The following ICA1L variants were observed in gnomAD, a reference collection of about 807,000 sequenced individuals.
The protein encoded by ICA1L is islet cell autoantigen 1 like.
In ICA1L, 50 loss-of-function variants were observed where a neutral mutation model predicts 61.3. That is an observed-to-expected ratio of 0.82 (90% CI 0.65 to 1.03). The LOEUF (loss-of-function observed/expected upper bound fraction) is 1.03, where lower values mean the gene tolerates loss of function less well. Among genes scored for constraint, ICA1L ranks in the 50% least tolerant of loss-of-function variants. The pLI, the probability that ICA1L is intolerant of heterozygous loss-of-function variation, is 0.00. For missense variants in ICA1L, 508 were observed against 556.7 expected, an observed-to-expected ratio of 0.91 and a Z score of 0.88; for synonymous variants, 161 against 191.3, an observed-to-expected ratio of 0.84 and a Z score of 1.31.
intron 2 of ICA1L, among the ~76,000 whole-genome samples, chr2:202,827,910 A>G (rs1693893449): frequency 6.6e-6 from 1 of 152,214 alleles, no homozygotes; most frequent in African/African-American, 2.4e-5. Context: ...GAATCCCACC[A>G]TAATGATTAT....
At chr2:202,855,454 T>C (rs147958748) in intron 1 of ICA1L, among the ~76,000 whole-genome samples, 116 of 152,090 alleles carry the variant, frequency 7.6e-4, no homozygotes, top group African/African-American at 2.3e-3. Context: ...TAAAGGGATA[T>C]CACCACTGAT....
At chr2:202,797,043 G>T in intron 9 of ICA1L, 79 bp from the exon 10 acceptor site, 1 of 844,892 alleles carries the variant, frequency 1.2e-6, no homozygotes, top group Non-Finnish European at 1.8e-6. Context: ...TCTATCATTA[G>T]GTCAAGTGTT....
chr2:202,802,718 T>C (rs1416860232), intron 9 of ICA1L, among the ~76,000 whole-genome samples: 1 of 151,836 alleles, frequency 6.6e-6, no homozygotes. Context: ...ATCTGAAATA[T>C]AGAAAGAAAT....
intron 12 of ICA1L, among the ~76,000 whole-genome samples, chr2:202,784,905 T>C (rs932535002): frequency 2.6e-5 from 4 of 152,124 alleles, no homozygotes; most frequent in Non-Finnish European, 5.9e-5. Flanking sequence ...TGCTTAATAT[T>C]ACCAAACTGT....
chr2:202,792,818 A>T (rs79140466), intron 10 of ICA1L, among the ~76,000 whole-genome samples: 4,589 of 152,210 alleles, frequency 0.03, 220 homozygotes, highest in African/African-American at 0.1. Context: ...AATTAAAAAA[A>T]AATAATAATA....
At chr2:202,786,044 C>A in intron 11 of ICA1L, 37 bp from the exon 12 acceptor site, 1 of 1,158,640 alleles carries the variant, frequency 8.6e-7, no homozygotes, top group South Asian at 1.3e-5. Context: ...CATTGTTAAT[C>A]AAATAGGAAG....
At chr2:202,861,883 CAAAAAAA>C (rs71030996) in intron 1 of ICA1L, among the ~76,000 whole-genome samples, 2 of 40,924 alleles carry the variant, frequency 4.9e-5, no homozygotes, top group Admixed American at 3.4e-4. Context: ...GATTCAGACT[CAAAAAAA>C]AAAAAAAAAA....
At chr2:202,809,614 C>G (rs1380205767) in intron 9 of ICA1L, among the ~76,000 whole-genome samples, 1 of 151,638 alleles carries the variant, frequency 6.6e-6, no homozygotes, top group Non-Finnish European at 1.5e-5. Context: ...GGTGCCACTG[C>G]ACTCCAGCCT....
rs1692215964 is a variant in ICA1L, at chr2:202,776,200, TGAA to T, written c.*3330_*3332del. 6.6e-6 allele frequency: 1 copy of T among 151,836 alleles called. No homozygotes were observed. 9.4% of individuals were successfully genotyped at this position (151,836 alleles called of 1,614,324 possible). A position where few individuals can be genotyped will look rare whatever the true frequency, so the allele number is the denominator to read the frequency against. ...AATCATATCAAGGTTCTACAATTAATGAAGGATTTCAAAAACATACAAAATTAC... is the reference window on the plus strand; with the variant it reads ...AATCATATCAAGGTTCTACAATTAATGGATTTCAAAAACATACAAAATTAC... On this transcript the variant is annotated 3_prime_UTR_variant, in exon 13 of 13. Coordinates refer to ENST00000358299, the MANE Select transcript of ICA1L (RefSeq NM_001288622.3).
chr2:202,862,805 C>G (rs1694958197), intron 1 of ICA1L, among the ~76,000 whole-genome samples: 1 of 150,200 alleles, frequency 6.7e-6, no homozygotes, highest in Admixed American at 6.7e-5. Flanking sequence ...CCATTGCACT[C>G]CAGCGTAGGC....
intron 10 of ICA1L, among the ~76,000 whole-genome samples, chr2:202,792,950 A>G (rs2105825691): frequency 6.6e-6 from 1 of 152,376 alleles, no homozygotes; most frequent in South Asian, 2.1e-4. Flanking sequence ...AGGCAAATTT[A>G]TAGAGACAAA....
chr2:202,834,609 C>T (rs1161443667), intron 1 of ICA1L, among the ~76,000 whole-genome samples: 1 of 152,136 alleles, frequency 6.6e-6, no homozygotes, highest in African/African-American at 2.4e-5. Context: ...GCCTGGGTGA[C>T]AGAGCCAGAC....
At position 202,813,520 on chromosome 2, in the gene ICA1L, G is replaced by T. The variant is rs148264921; in HGVS notation, c.866+1182C>A. 2.3e-3 allele frequency among the ~76,000 whole-genome samples: 346 copies of T among 152,254 alleles called. 1 individual carries two copies. The highest frequency in any genetic ancestry group is 7.8e-3 in the African/African-American group (322 of 41,534). On this transcript the variant is annotated intron_variant, in intron 8 of 12. Transcript: ENST00000358299. The stretch of plus-strand genomic sequence containing the variant: ...GCAGGTTGGGAAGTTCAAGATCATG[G>T]CCTTGGCTTCTGGCAAGGGCTTTAG...
At chr2:202,789,935 G>A (rs1369491358) in intron 10 of ICA1L, among the ~76,000 whole-genome samples, 3 of 152,128 alleles carry the variant, frequency 2.0e-5, no homozygotes, top group African/African-American at 7.2e-5. Flanking sequence ...AGACATCATA[G>A]CCAAGTCCCC....
intron 12 of ICA1L, among the ~76,000 whole-genome samples, chr2:202,780,661 A>G (rs1374386308): frequency 1.3e-5 from 2 of 152,178 alleles, no homozygotes; most frequent in Non-Finnish European, 2.9e-5. Context: ...CCTCTTTCAC[A>G]TCACAGTAAC....
At chr2:202,861,678 G>C (rs1694919155) in intron 1 of ICA1L, among the ~76,000 whole-genome samples, 1 of 151,540 alleles carries the variant, frequency 6.6e-6, no homozygotes, top group Non-Finnish European at 1.5e-5. Context: ...CTTGAGGTTA[G>C]GAGTTCGAGA....
chr2:202,799,479 T>C (rs1693030580), intron 9 of ICA1L, among the ~76,000 whole-genome samples: 1 of 152,244 alleles, frequency 6.6e-6, no homozygotes. Context: ...ATTTTTCTTG[T>C]TGAATTATTT....
intron 10 of ICA1L, among the ~76,000 whole-genome samples, chr2:202,790,396 T>C (rs1177689996): frequency 6.7e-6 from 1 of 150,072 alleles, no homozygotes; most frequent in Non-Finnish European, 1.5e-5. Flanking sequence ...CTTAAGAAAA[T>C]CTACTATAAT....
At chr2:202,811,870 T>C in intron 8 of ICA1L, 81 bp from the exon 9 acceptor site, 1 of 988,162 alleles carries the variant, frequency 1.0e-6, no homozygotes, top group Non-Finnish European at 1.6e-6. Context: ...TTTTATATGG[T>C]TAAAAAAATT....
Sources: allele counts gnomAD v4.1 joint callset (sites outside exome capture counted in the v4.1 genomes callset), GRCh38; gene constraint gnomAD v4.1.1; transcripts MANE v1.5; gene names NCBI Gene and HGNC (gene_info 2026-07-23, HGNC 2026-07-21).